Variants in ERBB4 observed in about 807,000 individuals in gnomAD.
The protein encoded by ERBB4 is erb-b2 receptor tyrosine kinase 4.
In ERBB4, 42 loss-of-function variants were observed where a neutral mutation model predicts 158.0. The ratio of observed to expected loss-of-function variants is 0.27; its 90% CI spans 0.21 to 0.34. The LOEUF (loss-of-function observed/expected upper bound fraction) is 0.34, where lower values mean the gene tolerates loss of function less well. ERBB4 is among the 10% of genes least tolerant of loss of function. ERBB4 has a pLI of 1.00. For missense variants in ERBB4, 1,333 were observed against 1,624.1 expected (o/e 0.82, Z 3.08); for synonymous variants, 583 against 558.7 (o/e 1.04, Z -0.61).
chr2:212,364,367 C>T (rs956711182), intron 1 of ERBB4, among the ~76,000 whole-genome samples: 1 of 151,668 alleles, frequency 6.6e-6, no homozygotes, highest in Non-Finnish European at 1.5e-5. Flanking sequence ...AGCCCCTTGA[C>T]TCCTACTACC....
At chr2:212,161,029 A>G (rs1049302338) in intron 1 of ERBB4, among the ~76,000 whole-genome samples, 1 of 152,030 alleles carries the variant, frequency 6.6e-6, no homozygotes, top group African/African-American at 2.4e-5. Flanking sequence ...CTGAAAAGTG[A>G]TATGTTTAAT....
At chr2:212,316,474 C>G (rs958533325) in intron 1 of ERBB4, among the ~76,000 whole-genome samples, 1 of 151,508 alleles carries the variant, frequency 6.6e-6, no homozygotes. Context: ...CAATCTTCTT[C>G]AGCCTGGCAT....
At chr2:211,823,263 C>G (rs73069398) in intron 3 of ERBB4, among the ~76,000 whole-genome samples, 3,025 of 151,900 alleles carry the variant, frequency 0.02, 112 homozygotes, top group African/African-American at 0.069. Flanking sequence ...TATGTGAGGA[C>G]ATTCATATGG....
intron 3 of ERBB4, among the ~76,000 whole-genome samples, chr2:211,821,711 C>T (rs1031911516): frequency 2.0e-5 from 3 of 151,980 alleles, no homozygotes; most frequent in African/African-American, 7.2e-5. Context: ...CATGTATCTA[C>T]AGCTATCTGA....
At chr2:212,022,397 C>G (rs2076674692) in intron 2 of ERBB4, among the ~76,000 whole-genome samples, 1 of 152,086 alleles carries the variant, frequency 6.6e-6, no homozygotes, top group Non-Finnish European at 1.5e-5. Flanking sequence ...GTGGATGAAG[C>G]TGGAAGCCAT....
intron 5 of ERBB4, among the ~76,000 whole-genome samples, chr2:211,745,694 G>GC (rs1326965252): frequency 2.2e-5 from 3 of 133,878 alleles, no homozygotes; most frequent in African/African-American, 5.5e-5. Flanking sequence ...ATTTCATTGT[G>GC]CCCCCCACCC....
intron 2 of ERBB4, among the ~76,000 whole-genome samples, chr2:212,010,672 G>A (rs1018244337): frequency 1.3e-5 from 2 of 152,096 alleles, no homozygotes; most frequent in African/African-American, 4.8e-5. Context: ...ACAGAAAACA[G>A]GGTTCGAGAG....
At chr2:211,907,287 C>T (rs2079420780) in intron 3 of ERBB4, among the ~76,000 whole-genome samples, 1 of 151,786 alleles carries the variant, frequency 6.6e-6, no homozygotes, top group South Asian at 2.1e-4. Context: ...TCTAGATGAT[C>T]TCTGAAGCCA....
intron 20 of ERBB4, among the ~76,000 whole-genome samples, chr2:211,454,530 A>G (rs2064330296): frequency 6.6e-6 from 1 of 152,214 alleles, no homozygotes; most frequent in African/African-American, 2.4e-5. Flanking sequence ...TAAGACTGCT[A>G]GAGCAAATGC....
intron 19 of ERBB4, among the ~76,000 whole-genome samples, chr2:211,608,585 A>G (rs1206942723): frequency 6.6e-6 from 1 of 152,210 alleles, no homozygotes; most frequent in Non-Finnish European, 1.5e-5. Flanking sequence ...TTTATAATTT[A>G]CAATTTTGAT....
chr2:211,487,804 G>A (rs533345053), intron 20 of ERBB4, among the ~76,000 whole-genome samples: 1 of 152,210 alleles, frequency 6.6e-6, no homozygotes, highest in Admixed American at 6.6e-5. Flanking sequence ...GGGGGTTATG[G>A]AAAAGGAGAG....
intron 1 of ERBB4, among the ~76,000 whole-genome samples, chr2:212,350,446 A>G (rs1347335098): frequency 6.6e-6 from 1 of 152,136 alleles, no homozygotes; most frequent in Non-Finnish European, 1.5e-5. Context: ...GCTGTCTTTA[A>G]TACTAACATG....
At chr2:211,920,394 T>A (rs2079826323) in intron 3 of ERBB4, among the ~76,000 whole-genome samples, 2 of 152,038 alleles carry the variant, frequency 1.3e-5, no homozygotes, top group Admixed American at 6.6e-5. Context: ...TGTTACATGA[T>A]AGATCTCAGA....
intron 3 of ERBB4, among the ~76,000 whole-genome samples, chr2:211,790,178 C>T (rs1446128585): frequency 6.6e-6 from 1 of 151,994 alleles, no homozygotes; most frequent in East Asian, 1.9e-4. Context: ...TGATCTCATA[C>T]TAATAGCTTT....
chr2:211,686,917 T>C (rs1022968067), intron 12 of ERBB4, among the ~76,000 whole-genome samples: 4 of 152,120 alleles, frequency 2.6e-5, no homozygotes, highest in African/African-American at 4.8e-5. Context: ...AAAGCCATCA[T>C]GAAAAACAGG....
intron 1 of ERBB4, among the ~76,000 whole-genome samples, chr2:212,274,165 T>C (rs2085443935): frequency 6.6e-6 from 1 of 151,876 alleles, no homozygotes; most frequent in African/African-American, 2.4e-5. Flanking sequence ...TATTATCTCT[T>C]TACAAGATGA....
At chr2:211,413,309 A>ACAAAAAAAAAAAAAAAC in intron 25 of ERBB4, among the ~76,000 whole-genome samples, 1 of 94,576 alleles carries the variant, frequency 1.1e-5, no homozygotes, top group African/African-American at 3.8e-5. Context: ...CTGTCTTAAA[A>ACAAAAAAAAAAAAAAAC]ACACACACAC....
chr2:212,319,384 TTGC>T lies in ERBB4; in HGVS notation c.83-194484_83-194482del, dbSNP rs1458193583. ...CTGGTTTGTTTGTTGTTTTTTATGA[TTGC>T]TGTTGTTATTTTTGTGTTTGTTTAT... is the stretch of plus-strand genomic sequence containing the variant. On this transcript the variant is annotated intron_variant, in intron 1 of 27. Transcript: ENST00000342788. Among the ~76,000 whole-genome samples the T allele has an allele frequency of 4.6e-5, 7 of 150,556 alleles. No individual in the cohort carries two copies. The East Asian group carries it at 1.2e-3, about 25-fold the overall frequency.
intron 1 of ERBB4, among the ~76,000 whole-genome samples, chr2:212,410,599 TTTTCTC>T (rs2091468655): frequency 6.6e-6 from 1 of 152,100 alleles, no homozygotes; most frequent in South Asian, 2.1e-4. Context: ...TCTCCTCTCA[TTTTCTC>T]ATCTAAGTCT....
Sources: gnomAD v4.1 joint callset for allele counts (sites outside exome capture counted in the v4.1 genomes callset) on GRCh38, gnomAD v4.1.1 for gene constraint, MANE v1.5 for transcripts, NCBI Gene and HGNC (gene_info 2026-07-23, HGNC 2026-07-21) for gene names.